LINGO2: variants seen among roughly 807,000 people sequenced by gnomAD.
LINGO2 encodes the protein leucine rich repeat and Ig domain containing 2.
A neutral mutation model predicts 30.6 loss-of-function variants in LINGO2; 14 were observed. That is an observed-to-expected ratio of 0.46 (90% CI 0.30 to 0.72). The LOEUF (loss-of-function observed/expected upper bound fraction) is 0.72. Among genes scored for constraint, LINGO2 ranks in the 30% least tolerant of loss-of-function variants. The pLI, the probability that LINGO2 is intolerant of heterozygous loss-of-function variation, is 0.07. For synonymous variants in LINGO2, 317 were observed against 288.5 expected (o/e 1.10, Z -1.00); for missense variants, 729 against 751.7 (o/e 0.97, Z 0.35).
At chr9:29,156,873 G>C in the LINGO2 span, among the ~76,000 whole-genome samples, 1 of 151,898 alleles carries the variant, frequency 6.6e-6, no homozygotes. Context: ...ATGTACCTTA[G>C]ATCTAAATAT....
At chr9:28,964,654 T>G in the LINGO2 span, among the ~76,000 whole-genome samples, 1 of 151,776 alleles carries the variant, frequency 6.6e-6, no homozygotes, top group Non-Finnish European at 1.5e-5. Flanking sequence ...AGGCAACCAG[T>G]TAGGGTAATT....
rs151317250 is a variant in LINGO2, at chr9:28,468,851, T to C, written c.-279+7089A>G. Among the ~76,000 whole-genome samples the C allele has an allele frequency of 7.6e-4, 116 of 152,310 alleles. 1 individual carries two copies. The highest frequency in any genetic ancestry group is 2.5e-3 in the African/African-American group (105 of 41,566). ...GCCAGTGTGCAAAAACTGAGGGATG[T>C]GGCCTCTTTTTTAAATGACCAAATT... is the stretch of plus-strand genomic sequence containing the variant. On this transcript the variant is annotated intron_variant, in intron 2 of 5. Coordinates refer to ENST00000379992, the Ensembl canonical transcript of LINGO2.
chr9:27,957,290 CTTTTA>C (rs1168416887), intron 5 of LINGO2, among the ~76,000 whole-genome samples: 1 of 151,866 alleles, frequency 6.6e-6, no homozygotes, highest in Non-Finnish European at 1.5e-5. Flanking sequence ...GTTACTGTAG[CTTTTA>C]TTTTTTGTTT....
At chr9:28,680,634 C>CT in the LINGO2 span, among the ~76,000 whole-genome samples, 2 of 152,036 alleles carry the variant, frequency 1.3e-5, no homozygotes, top group African/African-American at 2.4e-5. Context: ...TATCTGTCAT[C>CT]TTTTTTTATC....
exon 6 of LINGO2, chr9:27,949,601 C>T (rs1823529988): frequency 6.2e-7 from 1 of 1,613,926 alleles, no homozygotes; most frequent in Admixed American, 1.7e-5. Flanking sequence ...AGTCACAGGC[C>T]AGAGGGTTGT....
chr9:28,587,597 A>G (rs1824624391), intron 1 of LINGO2, among the ~76,000 whole-genome samples: 1 of 151,842 alleles, frequency 6.6e-6, no homozygotes, highest in Non-Finnish European at 1.5e-5. Context: ...ATAAAGCAGA[A>G]TCCTTTGGTC....
intron 4 of LINGO2, among the ~76,000 whole-genome samples, chr9:28,121,756 G>A (rs751883989): frequency 2.0e-5 from 3 of 152,124 alleles, no homozygotes; most frequent in East Asian, 3.8e-4. Context: ...TCCAAAGACC[G>A]GTGAATAAAG....
the LINGO2 span, among the ~76,000 whole-genome samples, chr9:29,179,784 A>G: frequency 6.6e-6 from 1 of 152,206 alleles, no homozygotes; most frequent in African/African-American, 2.4e-5. Context: ...TTTTTGCAGT[A>G]TATTTCCATG....
chr9:28,902,508 G>T, the LINGO2 span, among the ~76,000 whole-genome samples: 1 of 152,070 alleles, frequency 6.6e-6, no homozygotes, highest in Non-Finnish European at 1.5e-5. Flanking sequence ...GAAACATCAG[G>T]CTTAATCTGC....
chr9:27,993,667 A>T (rs1821509011), intron 5 of LINGO2, among the ~76,000 whole-genome samples: 1 of 152,170 alleles, frequency 6.6e-6, no homozygotes, highest in African/African-American at 2.4e-5. Flanking sequence ...ATAGGTTAAT[A>T]ATTGGTAATT....
chr9:27,982,490 T>C (rs531423851), intron 5 of LINGO2, among the ~76,000 whole-genome samples: 2 of 151,966 alleles, frequency 1.3e-5, no homozygotes, highest in African/African-American at 2.4e-5. Context: ...GTTTCCTACA[T>C]ATCAGGTTCT....
chr9:29,166,018 T>A, the LINGO2 span, among the ~76,000 whole-genome samples: 3 of 152,154 alleles, frequency 2.0e-5, 1 homozygote, highest in Admixed American at 2.0e-4. Flanking sequence ...GTATATCAAG[T>A]AATACGTTTA....
intron 5 of LINGO2, among the ~76,000 whole-genome samples, chr9:28,003,383 A>ATAGT (rs1822077277): frequency 7.0e-6 from 1 of 142,238 alleles, no homozygotes; most frequent in Admixed American, 6.9e-5. Flanking sequence ...AGATAGATAG[A>ATAGT]TATAGAGAGA....
chr9:28,767,095 G>T, the LINGO2 span, among the ~76,000 whole-genome samples: 1 of 151,116 alleles, frequency 6.6e-6, no homozygotes, highest in Non-Finnish European at 1.5e-5. Context: ...AGGTGGGGTG[G>T]GTAATGGAGA....
At chr9:27,981,161 C>A (rs544147017) in intron 5 of LINGO2, among the ~76,000 whole-genome samples, 3 of 151,806 alleles carry the variant, frequency 2.0e-5, no homozygotes, top group African/African-American at 7.2e-5. Context: ...TCCAGAAGTT[C>A]CACTGTTTCC....
chr9:29,069,357 G>C, the LINGO2 span, among the ~76,000 whole-genome samples: 1 of 151,902 alleles, frequency 6.6e-6, no homozygotes, highest in South Asian at 2.1e-4. Flanking sequence ...ATATCAATTA[G>C]TATTATATAA....
intron 1 of LINGO2, among the ~76,000 whole-genome samples, chr9:28,536,613 A>G (rs1821447909): frequency 1.3e-5 from 2 of 152,138 alleles, no homozygotes; most frequent in African/African-American, 4.8e-5. Flanking sequence ...TTGCCTTAAC[A>G]GTTGAATATT....
chr9:28,040,374 A>G (rs1421085679), intron 4 of LINGO2, among the ~76,000 whole-genome samples: 2 of 151,920 alleles, frequency 1.3e-5, no homozygotes, highest in African/African-American at 4.8e-5. Context: ...CAATGGTCCA[A>G]TGTAACTTCC....
chr9:29,035,073 A>G, the LINGO2 span, among the ~76,000 whole-genome samples: 193 of 152,320 alleles, frequency 1.3e-3, no homozygotes, highest in Non-Finnish European at 2.0e-3. Flanking sequence ...GCCTCTTTAG[A>G]TGATTAAATA....
Sources: allele counts gnomAD v4.1 joint callset (sites outside exome capture counted in the v4.1 genomes callset), GRCh38; gene constraint gnomAD v4.1.1; transcripts MANE v1.5; gene names NCBI Gene and HGNC (gene_info 2026-07-23, HGNC 2026-07-21).